SYT17: variants seen among roughly 807,000 people sequenced by gnomAD.
The protein encoded by SYT17 is synaptotagmin 17, also known as synaptotagmin-17.
A neutral mutation model predicts 46.7 loss-of-function variants in SYT17; 22 were observed. The observed-to-expected ratio is 0.47, with a 90% CI of 0.34 to 0.67. The LOEUF is 0.67. Among genes scored for constraint, SYT17 ranks in the 30% least tolerant of loss-of-function variants. SYT17 has a pLI of 0.01. For missense variants in SYT17, 519 were observed against 612.8 expected, an observed-to-expected ratio of 0.85 and a Z score of 1.62; for synonymous variants, 251 against 248.4, an observed-to-expected ratio of 1.01 and a Z score of -0.10.
intron 7 of SYT17, among the ~76,000 whole-genome samples, chr16:19,249,354 A>T (rs1014202013): frequency 6.6e-6 from 1 of 152,146 alleles, no homozygotes; most frequent in South Asian, 2.1e-4. Flanking sequence ...AGGTACTACT[A>T]CCTGTGTCCA....
At chr16:19,197,434 GTTTGTTTGTTTGTTATTA>G (rs1348118021) in intron 5 of SYT17, among the ~76,000 whole-genome samples, 1 of 147,552 alleles carries the variant, frequency 6.8e-6, no homozygotes, top group Admixed American at 6.8e-5. Flanking sequence ...TGTTTTGTTT[GTTTGTTTGTTTGTTATTA>G]TTATTATTTT....
rs56947560 is a variant in SYT17 at position 19,190,768 on chromosome 16, C to CTGTGTG, written c.951+6657_951+6662dup. Reference sequence around the variant, plus strand: ...TCTAAGGCTGAACTGAATAATATTCCTGTGTGTGTGTGTGTGTGTGTGTGT... The same window carrying CTGTGTG: ...TCTAAGGCTGAACTGAATAATATTCCTGTGTGTGTGTGTGTGTGTGTGTGTGTGTGT... On this transcript the variant is annotated intron_variant, in intron 5 of 7. Transcript: ENST00000355377. 4.2e-3 allele frequency among the ~76,000 whole-genome samples: 606 copies of CTGTGTG among 144,822 alleles called. 6 individuals carry two copies. The highest frequency in any genetic ancestry group is 0.013 in the African/African-American group (521 of 39,154).
In SYT17 at chr16:19,259,166, T is replaced by C. The variant is rs150659729; in HGVS notation, c.1229-7714T>C. 2.2e-4 allele frequency among the ~76,000 whole-genome samples: 34 copies of C among 152,252 alleles called. 2 individuals carry two copies. The East Asian group carries it at 6.6e-3, about 29-fold the overall frequency. On this transcript the variant is annotated intron_variant, in intron 7 of 7. Transcript: ENST00000355377. ...AGGGTAGCCTTAGGGTGCTGGAGAT[T>C]AAGCGAAATCAGAAGAGAAAACATT...
chr16:19,251,663 C>T (rs1040910682), intron 7 of SYT17, among the ~76,000 whole-genome samples: 6 of 152,112 alleles, frequency 3.9e-5, no homozygotes, highest in African/African-American at 1.4e-4. Flanking sequence ...GGGAGGAAGC[C>T]ACCAGGGTGG....
chr16:19,172,667 TGC>T, intron 1 of SYT17, 91 bp from the exon 2 acceptor site: 1 of 1,578,574 alleles, frequency 6.3e-7, no homozygotes, highest in Non-Finnish European at 8.6e-7. Flanking sequence ...TTTTTTGAGT[TGC>T]TGGAATATTG....
At chr16:19,219,786 A>T (rs1966239386) in intron 5 of SYT17, among the ~76,000 whole-genome samples, 1 of 152,236 alleles carries the variant, frequency 6.6e-6, no homozygotes, top group Non-Finnish European at 1.5e-5. Context: ...TGTTCCATAA[A>T]GTCAGGGACG....
At chr16:19,212,513 C>G (rs189825078) in intron 5 of SYT17, among the ~76,000 whole-genome samples, 1 of 151,940 alleles carries the variant, frequency 6.6e-6, no homozygotes, top group Non-Finnish European at 1.5e-5. Flanking sequence ...CTCAGCTACT[C>G]GGGAGGCTGA....
chr16:19,219,508 G>A (rs902821655), intron 5 of SYT17, among the ~76,000 whole-genome samples: 32 of 151,324 alleles, frequency 2.1e-4, no homozygotes, highest in African/African-American at 6.8e-4. Context: ...GTCGTAAGTC[G>A]CCAATATTTT....
intron 5 of SYT17, among the ~76,000 whole-genome samples, chr16:19,207,059 A>G (rs965035788): frequency 1.1e-4 from 16 of 152,120 alleles, no homozygotes; most frequent in African/African-American, 3.9e-4. Context: ...GTTCTGCACA[A>G]GAGCTGGTTG....
At position 19,224,379 on chromosome 16, in the gene SYT17, G is replaced by A. The variant is rs181025709; in HGVS notation, c.1073-304G>A. ...AAGCAGATGAATGGGAAAATGGATGGATAATAGATGGATGGATGGTTGAAC... is the reference window on the plus strand; with the variant it reads ...AAGCAGATGAATGGGAAAATGGATGAATAATAGATGGATGGATGGTTGAAC... On this transcript the variant is annotated intron_variant, in intron 6 of 7. Coordinates refer to ENST00000355377, the MANE Select transcript of SYT17 (RefSeq NM_016524.4). Among the ~76,000 whole-genome samples the A allele has an allele frequency of 6.8e-4, 103 of 152,242 alleles. No homozygotes were observed. The Middle Eastern group carries it at 0.014, about 20-fold the overall frequency.
At chr16:19,209,415 C>T (rs1278976750) in intron 5 of SYT17, among the ~76,000 whole-genome samples, 1 of 152,154 alleles carries the variant, frequency 6.6e-6, no homozygotes, top group East Asian at 1.9e-4. Context: ...AAGGTGCTCA[C>T]CTCTTTAGCA....
intron 5 of SYT17, among the ~76,000 whole-genome samples, chr16:19,194,622 G>A (rs558984030): frequency 6.6e-6 from 1 of 152,174 alleles, no homozygotes; most frequent in African/African-American, 2.4e-5. Flanking sequence ...TAGAGACAGG[G>A]TCTCACGCTG....
chr16:19,195,972 C>T (rs8050959), intron 5 of SYT17, among the ~76,000 whole-genome samples: 73,785 of 151,608 alleles, frequency 0.49, 18,052 homozygotes, highest in Middle Eastern at 0.58. Flanking sequence ...GTGACAGAGC[C>T]GGACCCTGTC....
At chr16:19,207,527 A>T (rs1965720062) in intron 5 of SYT17, among the ~76,000 whole-genome samples, 1 of 152,072 alleles carries the variant, frequency 6.6e-6, no homozygotes, top group Admixed American at 6.6e-5. Flanking sequence ...GGAGGAAGAG[A>T]CAGAGAATGG....
chr16:19,170,951 C>T (rs546406416), intron 1 of SYT17: 2 of 152,216 alleles, frequency 1.3e-5, no homozygotes, highest in African/African-American at 2.4e-5. Flanking sequence ...CTGGACCGCA[C>T]GCAAGTATTT....
At chr16:19,214,330 T>G (rs947321692) in intron 5 of SYT17, among the ~76,000 whole-genome samples, 1 of 152,156 alleles carries the variant, frequency 6.6e-6, no homozygotes, top group Non-Finnish European at 1.5e-5. Context: ...CCTGGTCAGC[T>G]TTTTTTGTTT....
chr16:19,168,414 TC>T lies in SYT17; in HGVS notation c.-231del. 1 of 591,532 alleles carries T rather than the reference TC, an allele frequency of 1.7e-6. No homozygotes were observed. The highest frequency in any genetic ancestry group is 2.9e-6 in the Non-Finnish European group (1 of 344,616). The allele number at this position is 591,532 out of a possible 1,614,324, so 36.6% of individuals were successfully genotyped here. Reference sequence around the variant, plus strand: ...GCGGGGGCCCTGGGCGCCCGATATCTCCGAACCGGGGAGGCGGCCCCGATTC... The same window carrying T: ...GCGGGGGCCCTGGGCGCCCGATATCTCGAACCGGGGAGGCGGCCCCGATTC... On this transcript the variant is annotated 5_prime_UTR_variant, in exon 1 of 8. Transcript: ENST00000355377. The surrounding 1 kb of genome is among the most constrained non-coding windows in gnomAD (Gnocchi z 6.9).
chr16:19,206,255 C>T (rs1965667115), intron 5 of SYT17, among the ~76,000 whole-genome samples: 1 of 152,178 alleles, frequency 6.6e-6, no homozygotes, highest in South Asian at 2.1e-4. Flanking sequence ...AGAGGAAGAG[C>T]AGGAGCGGAC....
At chr16:19,205,312 C>T (rs1353163356) in intron 5 of SYT17, among the ~76,000 whole-genome samples, 17 of 152,204 alleles carry the variant, frequency 1.1e-4, no homozygotes, top group Non-Finnish European at 2.9e-5. Flanking sequence ...TCAGGCACAC[C>T]TGGAGTGGCC....
Sources: gnomAD v4.1 joint callset for allele counts (sites outside exome capture counted in the v4.1 genomes callset) on GRCh38, gnomAD v4.1.1 for gene constraint, Gnocchi (gnomAD v3.1) non-coding constraint, MANE v1.5 for transcripts, NCBI Gene and HGNC (gene_info 2026-07-23, HGNC 2026-07-21) for gene names.